BICD1: variants seen among roughly 807,000 people sequenced by gnomAD.
BICD1 encodes protein bicaudal D homolog 1.
Under a neutral mutation model 92.5 loss-of-function variants are expected in BICD1, and 35 were observed. The observed-to-expected ratio is 0.38, with a 90% CI of 0.29 to 0.50. BICD1 has a LOEUF of 0.50. Ranked by LOEUF, BICD1 falls within the 20% of genes least tolerant of loss-of-function variation. The probability of loss-of-function intolerance (pLI) is 0.93; values close to 1 mark genes in which losing one functional copy is unlikely to be tolerated. For missense variants in BICD1, 950 were observed against 1,189.8 expected (o/e 0.80, Z 2.97); for synonymous variants, 429 against 465.1 (o/e 0.92, Z 1.00).
Position 32,108,708 on chromosome 12 carries a change from A to G in BICD1, c.213+1164A>G, listed in dbSNP as rs1941584984. On this transcript the variant is annotated intron_variant, in intron 1 of 9. Transcript: ENST00000652176. ...CTTCCAATTTAGTGTGTAATATGGT[A>G]AGCATTTATACTTTTAGATATGTCT... 3 of 690,878 alleles carry G rather than the reference A, an allele frequency of 4.3e-6. No homozygotes were observed. In the South Asian group the frequency reaches 4.6e-5, roughly 11 times the overall value. The allele number at this position is 690,878 out of a possible 1,614,324, so 42.8% of individuals were successfully genotyped here.
rs1477756670 is a variant in BICD1 at position 32,305,925 on chromosome 12, C to T, written c.808C>T (p.Leu270Phe). ...DNHISISVDG[L>F]KFAEDGSEPN... ...CCATATCAGCATCTCAGTAGATGGACTCAAATTTGCCGAGGATGGGAGTGA... is the reference window on the plus strand; with the variant it reads ...CCATATCAGCATCTCAGTAGATGGATTCAAATTTGCCGAGGATGGGAGTGA... Residue 270 changes from leucine (L) to phenylalanine (F), a missense_variant, in exon 4 of 10, where the codon CTC (leucine) becomes TTC (phenylalanine). Coordinates refer to ENST00000652176, the MANE Select transcript of BICD1 (RefSeq NM_001714.4). The T allele has an allele frequency of 6.2e-7, 1 of 1,614,056 alleles. No individual in the cohort carries two copies. The highest frequency in any genetic ancestry group is 1.3e-5 in the African/African-American group (1 of 74,910).
intron 4 of BICD1, among the ~76,000 whole-genome samples, chr12:32,319,777 C>T (rs992863066): frequency 3.9e-5 from 6 of 152,074 alleles, no homozygotes; most frequent in Non-Finnish European, 8.8e-5. Flanking sequence ...GGGGTTTCAC[C>T]ATGTTCAGGC....
rs1323147161 is a variant in BICD1 at position 32,131,647 on chromosome 12, A to C, written c.213+24103A>C. On this transcript the variant is annotated intron_variant, in intron 1 of 9. Transcript: ENST00000652176. ...TTGCACAAAAAGGGGAACTTGGTGT[A>C]GGAAAAAATAACTAGAAATGATAAC... is the stretch of plus-strand genomic sequence containing the variant. 2.6e-5 allele frequency among the ~76,000 whole-genome samples: 4 copies of C among 152,252 alleles called. No homozygotes were observed. In the East Asian group the frequency reaches 7.7e-4, roughly 29 times the overall value.
intron 9 of BICD1, among the ~76,000 whole-genome samples, chr12:32,372,824 C>T (rs1939788728): frequency 1.3e-5 from 2 of 152,154 alleles, no homozygotes; most frequent in Admixed American, 1.3e-4. Flanking sequence ...CAGCAGTGAG[C>T]CGAGATTGTG....
chr12:32,308,922 G>A (rs1322291410), intron 4 of BICD1, among the ~76,000 whole-genome samples: 1 of 152,096 alleles, frequency 6.6e-6, no homozygotes, highest in African/African-American at 2.4e-5. Flanking sequence ...ACACAGGAAG[G>A]GCTTTGCAGC....
At chr12:32,166,815 A>G (rs1351080931) in intron 1 of BICD1, among the ~76,000 whole-genome samples, 2 of 152,148 alleles carry the variant, frequency 1.3e-5, no homozygotes, top group African/African-American at 4.8e-5. Flanking sequence ...CAACCTCTCT[A>G]AGACTCAGTT....
At chr12:32,226,125 T>G (rs559131817) in intron 2 of BICD1, among the ~76,000 whole-genome samples, 32 of 152,284 alleles carry the variant, frequency 2.1e-4, no homozygotes, top group African/African-American at 7.5e-4. Context: ...TAGGTAAGTT[T>G]TTTTGTTTTG....
At chr12:32,118,743 A>T (rs1050252931) in intron 1 of BICD1, among the ~76,000 whole-genome samples, 9 of 152,150 alleles carry the variant, frequency 5.9e-5, no homozygotes, top group African/African-American at 2.2e-4. Flanking sequence ...AGACTGAGGG[A>T]TGACTGTATT....
intron 2 of BICD1, among the ~76,000 whole-genome samples, chr12:32,291,978 C>T (rs1321080065): frequency 6.6e-6 from 1 of 152,118 alleles, no homozygotes; most frequent in Non-Finnish European, 1.5e-5. Flanking sequence ...CAGATGTCAC[C>T]CTACCCTCCT....
intron 2 of BICD1, among the ~76,000 whole-genome samples, chr12:32,267,068 A>G (rs1314852598): frequency 6.6e-6 from 1 of 152,194 alleles, no homozygotes; most frequent in East Asian, 1.9e-4. Flanking sequence ...AGAGGCTGAC[A>G]TGTCATGCAC....
intron 3 of BICD1, 59 bp from the exon 4 acceptor site, chr12:32,305,638 G>A: frequency 6.8e-7 from 1 of 1,481,350 alleles, no homozygotes; most frequent in Non-Finnish European, 9.1e-7. Context: ...GTGTTTAATG[G>A]CAGTTTTGTA....
intron 1 of BICD1, among the ~76,000 whole-genome samples, chr12:32,121,845 A>G (rs1179137054): frequency 2.1e-5 from 3 of 145,450 alleles, no homozygotes; most frequent in East Asian, 4.1e-4. Flanking sequence ...ACAGGGTCTC[A>G]CTCTCTTGCC....
chr12:32,221,698 T>C (rs1363030767), intron 2 of BICD1, among the ~76,000 whole-genome samples: 2 of 151,638 alleles, frequency 1.3e-5, no homozygotes, highest in Non-Finnish European at 2.9e-5. Flanking sequence ...ATAATGATAA[T>C]AATAATAATT....
At chr12:32,314,786 G>A (rs1948458011) in intron 4 of BICD1, among the ~76,000 whole-genome samples, 1 of 150,336 alleles carries the variant, frequency 6.7e-6, no homozygotes, top group Non-Finnish European at 1.5e-5. Context: ...AAAGAGATGG[G>A]TCTCACTATG....
intron 8 of BICD1, 102 bp downstream of exon 8, chr12:32,339,081 T>A (rs1938253441): frequency 6.5e-6 from 9 of 1,387,888 alleles, no homozygotes; most frequent in South Asian, 5.2e-5. Flanking sequence ...AGAGTATACC[T>A]TTGATGATGT....
chr12:32,121,883 G>A lies in BICD1; in HGVS notation c.213+14339G>A, dbSNP rs527667131. On this transcript the variant is annotated intron_variant, in intron 1 of 9. Coordinates refer to ENST00000652176, the MANE Select transcript of BICD1 (RefSeq NM_001714.4). ...GGCTGGAGTGCAATGGTGCAATCTC[G>A]GCTCACTGCAGCTTTGACTTCCCAG... 2.7e-5 allele frequency among the ~76,000 whole-genome samples: 4 copies of A among 150,502 alleles called. No individual in the cohort carries two copies. In the East Asian group the frequency reaches 7.9e-4, roughly 30 times the overall value.
chr12:32,335,439 C>T (rs1169088965), intron 6 of BICD1, among the ~76,000 whole-genome samples: 1 of 151,940 alleles, frequency 6.6e-6, no homozygotes, highest in Non-Finnish European at 1.5e-5. Context: ...CGTGAGCCAC[C>T]GCGCCCGGCT....
intron 1 of BICD1, among the ~76,000 whole-genome samples, chr12:32,159,830 GA>G (rs943339503): frequency 2.7e-5 from 4 of 150,874 alleles, no homozygotes; most frequent in Non-Finnish European, 5.9e-5. Flanking sequence ...GGAGAGGAAA[GA>G]AGACAATTAA....
At chr12:32,159,079 G>A (rs187314748) in intron 1 of BICD1, among the ~76,000 whole-genome samples, 47 of 152,042 alleles carry the variant, frequency 3.1e-4, no homozygotes, top group African/African-American at 8.4e-4. Context: ...AATTACAGTC[G>A]CGCACCACCA....
Sources: allele counts gnomAD v4.1 joint callset (sites outside exome capture counted in the v4.1 genomes callset), GRCh38; gene constraint gnomAD v4.1.1; transcripts MANE v1.5; gene names NCBI Gene and HGNC (gene_info 2026-07-23, HGNC 2026-07-21).